The following FGD6 variants were observed in gnomAD, a reference collection of about 807,000 sequenced individuals.
The protein encoded by FGD6 is FYVE, RhoGEF and PH domain containing 6.
Under a neutral mutation model 149.4 loss-of-function variants are expected in FGD6, and 90 were observed. The ratio of observed to expected loss-of-function variants is 0.60; its 90% CI spans 0.51 to 0.72. The LOEUF is 0.72. FGD6 is among the 30% of genes least tolerant of loss of function. The pLI is 0.00. For synonymous variants in FGD6, 527 were observed against 584.0 expected (o/e 0.90, Z 1.41); for missense variants, 1,437 against 1,684.8 (o/e 0.85, Z 2.57).
intron 5 of FGD6, among the ~76,000 whole-genome samples, chr12:95,148,661 ATAATACATAGCATATGT>A (rs1388691237): frequency 8.3e-6 from 1 of 120,854 alleles, no homozygotes; most frequent in East Asian, 2.2e-4. Context: ...TATATATTAT[ATAATACATAGCATATGT>A]TATATTATAT....
chr12:95,105,655 A>G (rs893550317), intron 13 of FGD6, among the ~76,000 whole-genome samples: 1 of 152,250 alleles, frequency 6.6e-6, no homozygotes, highest in Admixed American at 6.5e-5. Flanking sequence ...TGTTTTGTTT[A>G]TAGTAGTTCT....
chr12:95,079,330 A>AC lies in FGD6; in HGVS notation c.*2189_*2190insG. On this transcript the variant is annotated 3_prime_UTR_variant, in exon 21 of 21. Coordinates refer to ENST00000343958, the MANE Select transcript of FGD6 (RefSeq NM_018351.4). ...TTTTACATGTAATTAAAGAGACTGT[A>AC]AGTTTGTGCCAGATTTCTTCCCTCT... is the stretch of plus-strand genomic sequence containing the variant. The AC allele has an allele frequency of 6.6e-6, 1 of 152,234 alleles. No individual in the cohort carries two copies. The highest frequency in any genetic ancestry group is 6.5e-5 in the Admixed American group (1 of 15,276). The allele number at this position is 152,234 out of a possible 1,614,324, so 9.4% of individuals were successfully genotyped here.
At chr12:95,206,967 T>C (rs2056695885) in intron 2 of FGD6, among the ~76,000 whole-genome samples, 2 of 152,024 alleles carry the variant, frequency 1.3e-5, no homozygotes, top group Non-Finnish European at 2.9e-5. Flanking sequence ...TGCTCGACAA[T>C]TTTATTTATT....
At position 95,209,436 on chromosome 12, in the gene FGD6, C is replaced by T. The variant is rs939583220; in HGVS notation, c.1848G>A (p.Lys616=). 3.1e-6 allele frequency: 5 copies of T among 1,612,914 alleles called. No individual in the cohort carries two copies. The highest frequency in any genetic ancestry group is 4.2e-6 in the Non-Finnish European group (5 of 1,179,332). ...LSAMDVEKCT[K]PCKDSTKKNS... ...TTTTCTTTGTAGAGTCTTTGCAAGGCTTAGTGCACTTTTCCACATCCATAG... is the reference window on the plus strand; with the variant it reads ...TTTTCTTTGTAGAGTCTTTGCAAGGTTTAGTGCACTTTTCCACATCCATAG... Residue 616 remains lysine, a synonymous_variant, in exon 2 of 21, where the codon AAG becomes AAA. Coordinates refer to ENST00000343958, the MANE Select transcript of FGD6 (RefSeq NM_018351.4).
chr12:95,081,961 C>T (rs550722459), intron 20 of FGD6, among the ~76,000 whole-genome samples: 7 of 152,186 alleles, frequency 4.6e-5, no homozygotes, highest in South Asian at 2.1e-4. Context: ...CGTGAGCCAC[C>T]GTGACCGGCC....
At chr12:95,158,397 G>T (rs920174347) in intron 3 of FGD6, among the ~76,000 whole-genome samples, 1 of 150,306 alleles carries the variant, frequency 6.7e-6, no homozygotes, top group Non-Finnish European at 1.5e-5. Context: ...GGATGGTCTC[G>T]ATCTCCTGGC....
intron 13 of FGD6, among the ~76,000 whole-genome samples, chr12:95,106,334 G>A (rs1021803630): frequency 5.3e-5 from 8 of 150,082 alleles, no homozygotes; most frequent in African/African-American, 1.7e-4. Context: ...GTAGTCGCGC[G>A]AGCTCAGCTC....
At position 95,209,112 on chromosome 12, in the gene FGD6, G is replaced by A. The variant is rs368330579; in HGVS notation, c.2172C>T (p.Asp724=). Residue 724 remains aspartate, a synonymous_variant, in exon 2 of 21, where the codon GAC becomes GAT. Transcript: ENST00000343958. ...ANGLRAESLD[D]QMLSRESSSQ... ...ATGATGACTCCCGGGAGAGCATTTGGTCATCCAAAGACTCAGCTCTCAGAC... is the reference window on the plus strand; with the variant it reads ...ATGATGACTCCCGGGAGAGCATTTGATCATCCAAAGACTCAGCTCTCAGAC... The A allele has an allele frequency of 1.2e-6, 2 of 1,613,996 alleles. No homozygotes were observed. The highest frequency in any genetic ancestry group is 1.7e-6 in the Non-Finnish European group (2 of 1,180,042).
intron 18 of FGD6, among the ~76,000 whole-genome samples, chr12:95,089,215 C>T (rs1258688903): frequency 6.6e-6 from 1 of 152,204 alleles, no homozygotes; most frequent in Non-Finnish European, 1.5e-5. Flanking sequence ...ATAAACCGTG[C>T]AGATCACTAA....
intron 6 of FGD6, 98 bp downstream of exon 6, chr12:95,141,290 T>A (rs1203734408): frequency 1.6e-6 from 2 of 1,238,402 alleles, no homozygotes; most frequent in Non-Finnish European, 1.1e-6. Flanking sequence ...TTCAAACAAC[T>A]CAATGTAATG....
In FGD6 at chr12:95,141,504, T is replaced by C; in HGVS notation, c.2721A>G (p.Gln907=). Residue 907 remains glutamine, a synonymous_variant, in exon 6 of 21, where the codon CAA becomes CAG. Transcript: ENST00000343958. ...FRDAVAHASR[Q]LGKPVIEDRI... ...GGTCCTCAATCACTGGTTTCCCAAG[T>C]TGCCTGGAAGCATGAGCTACTGCAT... is the stretch of plus-strand genomic sequence containing the variant. The C allele has an allele frequency of 6.2e-7, 1 of 1,614,176 alleles. No homozygotes were observed. The highest frequency in any genetic ancestry group is 8.5e-7 in the Non-Finnish European group (1 of 1,180,012).
chr12:95,127,442 G>A (rs1373286535), intron 8 of FGD6, among the ~76,000 whole-genome samples: 1 of 152,170 alleles, frequency 6.6e-6, no homozygotes, highest in Non-Finnish European at 1.5e-5. Flanking sequence ...TACTCGGGCG[G>A]TTGAGGCAGA....
intron 3 of FGD6, among the ~76,000 whole-genome samples, chr12:95,167,827 G>A (rs565308081): frequency 2.6e-5 from 4 of 151,860 alleles, no homozygotes; most frequent in South Asian, 2.1e-4. Context: ...TGCCCGCCTC[G>A]ACCTCCCAAA....
chr12:95,128,680 G>C (rs1033260350), intron 8 of FGD6, among the ~76,000 whole-genome samples: 1 of 152,212 alleles, frequency 6.6e-6, no homozygotes, highest in Non-Finnish European at 1.5e-5. Context: ...CTCAGTGGGG[G>C]CCTAAGTGAT....
chr12:95,106,816 C>T (rs1004440091), intron 13 of FGD6, 138 bp downstream of exon 13: 36 of 645,324 alleles, frequency 5.6e-5, no homozygotes, highest in Non-Finnish European at 8.6e-5. Flanking sequence ...ATCACTTGAA[C>T]CCAGGAGGTG....
In FGD6 at chr12:95,209,404, A is replaced by G. The variant is rs755234980; in HGVS notation, c.1880T>C (p.Phe627Ser). 6.2e-7 allele frequency: 1 copy of G among 1,613,058 alleles called. No homozygotes were observed. The highest frequency in any genetic ancestry group is 1.7e-5 in the Admixed American group (1 of 59,894). The change falls in exon 2 of 21, where the codon TTT (phenylalanine) becomes TCT (serine). Residue 627 changes from phenylalanine (F) to serine (S), a missense_variant. Physicochemically the swap from Phe to Ser is radical, Grantham distance 155 (BLOSUM62 -2). Around this residue, in one of 2 missense-constraint regions of FGD6, gnomAD observed 1,055 missense variants for 1,146.0 expected, o/e 0.92. Transcript: ENST00000343958. ...CAGTTTCATGCTGAGCAACTTTTTA[A>G]AAGAGTTTTTCTTTGTAGAGTCTTT... ...PCKDSTKKNS[F>S]KKLLSMKLSI... is the part of the protein sequence containing the mutation.
rs144816335 is a variant in FGD6, at chr12:95,186,022, AT to A, written c.2442-13279del. ...CATCATAGTTCATCCAGTAAGCAGA[AT>A]GGCAAGAGGAACTGAAAGTTGTTCT... On this transcript the variant is annotated intron_variant, in intron 2 of 20. Transcript: ENST00000343958. Among the ~76,000 whole-genome samples the A allele has an allele frequency of 9.1e-3, 1,386 of 152,252 alleles. 21 individuals are homozygous for A. The highest frequency in any genetic ancestry group is 0.031 in the African/African-American group (1,290 of 41,540).
In FGD6 at chr12:95,217,208, C is replaced by G. The variant is rs746941262; in HGVS notation, c.16+17G>C. Reference sequence around the variant, plus strand: ...CGCCACAAACTTTCCCGCGGCAGCGCGAGCGCCGTCACTTACCGGCTGCAG... The same window carrying G: ...CGCCACAAACTTTCCCGCGGCAGCGGGAGCGCCGTCACTTACCGGCTGCAG... On this transcript the variant is annotated intron_variant, in intron 1 of 20. Coordinates refer to ENST00000343958, the MANE Select transcript of FGD6 (RefSeq NM_018351.4). 69 of 1,612,414 alleles carry G rather than the reference C, an allele frequency of 4.3e-5. 1 individual carries two copies. The Middle Eastern group carries it at 8.3e-4, about 19-fold the overall frequency.
chr12:95,132,132 T>C (rs1464714924), intron 8 of FGD6, among the ~76,000 whole-genome samples: 1 of 152,144 alleles, frequency 6.6e-6, no homozygotes, highest in African/African-American at 2.4e-5. Flanking sequence ...TCACATGATG[T>C]TGGTATTATA....
Sources: allele counts gnomAD v4.1 joint callset (sites outside exome capture counted in the v4.1 genomes callset), GRCh38; gene constraint gnomAD v4.1.1; regional missense constraint gnomAD v4.1.1; transcripts MANE v1.5; gene names NCBI Gene and HGNC (gene_info 2026-07-23, HGNC 2026-07-21).